The following BCAR3 variants were observed in gnomAD, a reference collection of about 807,000 sequenced individuals.
The protein encoded by BCAR3 is breast cancer anti-estrogen resistance protein 3.
In BCAR3, 37 loss-of-function variants were observed where a neutral mutation model predicts 80.1. The ratio of observed to expected loss-of-function variants is 0.46; its 90% CI spans 0.36 to 0.61. The LOEUF is 0.61. Ranked by LOEUF, BCAR3 falls within the 20% of genes least tolerant of loss-of-function variation. The pLI is 0.00. For missense variants in BCAR3, 978 were observed against 1,068.2 expected, an observed-to-expected ratio of 0.92 and a Z score of 1.18; for synonymous variants, 389 against 418.9, an observed-to-expected ratio of 0.93 and a Z score of 0.87.
At chr1:93,777,363 T>TTCTTCTTCTTCCTCC (rs969476361) in intron 2 of BCAR3, among the ~76,000 whole-genome samples, 1 of 129,802 alleles carries the variant, frequency 7.7e-6, no homozygotes, top group African/African-American at 2.8e-5. Flanking sequence ...CTTCCTCCTC[T>TTCTTCTTCTTCCTCC]TCTTCTTCTT....
intron 2 of BCAR3, among the ~76,000 whole-genome samples, chr1:93,819,365 G>A (rs1047379823): frequency 2.0e-5 from 3 of 152,074 alleles, no homozygotes; most frequent in Non-Finnish European, 2.9e-5. Flanking sequence ...CGCCCAGCCG[G>A]GTCGCCCATT....
At position 93,672,713 on chromosome 1, in the gene BCAR3, T is replaced by C. The variant is rs1350586722; in HGVS notation, c.317+1901A>G. ...TGAGCTGGGAGGTCACCCACCTAGA[T>C]TTTGTGGAGCCGGTCCAGGGCCTTC... On this transcript the variant is annotated intron_variant, in intron 2 of 11. Coordinates refer to ENST00000260502, the MANE Select transcript of BCAR3 (RefSeq NM_003567.4). Among the ~76,000 whole-genome samples, 9 of 152,304 alleles carry C rather than the reference T, an allele frequency of 5.9e-5. No individual in the cohort carries two copies. The South Asian group carries it at 1.7e-3, about 28-fold the overall frequency.
chr1:93,621,611 G>A (rs888696425), intron 3 of BCAR3, among the ~76,000 whole-genome samples: 2 of 152,180 alleles, frequency 1.3e-5, no homozygotes, highest in Non-Finnish European at 2.9e-5. Flanking sequence ...TAGCCTTGAG[G>A]CAAGTAGTAT....
At chr1:93,838,103 C>G (rs1003441147) in intron 2 of BCAR3, among the ~76,000 whole-genome samples, 5 of 152,218 alleles carry the variant, frequency 3.3e-5, no homozygotes, top group African/African-American at 9.7e-5. Context: ...TTCTTTCTCT[C>G]TTTATGCTCC....
chr1:93,847,950 C>T, upstream of BCAR3: 1 of 239,506 alleles, frequency 4.2e-6, no homozygotes, highest in Non-Finnish European at 8.1e-6. Context: ...GAAGCGAAGG[C>T]TCGCGGTTTC....
At chr1:93,697,894 C>T (rs2101969702) in intron 3 of BCAR3, among the ~76,000 whole-genome samples, 1 of 152,308 alleles carries the variant, frequency 6.6e-6, no homozygotes, top group Middle Eastern at 3.4e-3. Context: ...AGGAGAATCG[C>T]TTGAACCCAG....
intron 2 of BCAR3, among the ~76,000 whole-genome samples, chr1:93,748,365 T>A (rs1557674708): frequency 6.6e-6 from 1 of 152,160 alleles, no homozygotes; most frequent in Non-Finnish European, 1.5e-5. Context: ...AAGGGTTGCA[T>A]CCTAATTGCG....
intron 2 of BCAR3, among the ~76,000 whole-genome samples, chr1:93,777,799 C>T (rs559575298): frequency 2.0e-5 from 3 of 152,176 alleles, no homozygotes; most frequent in Non-Finnish European, 2.9e-5. Context: ...TTTGGTTACC[C>T]TGAGGTTCAA....
intron 2 of BCAR3, among the ~76,000 whole-genome samples, chr1:93,822,050 T>C (rs1276635018): frequency 6.6e-6 from 1 of 151,606 alleles, no homozygotes; most frequent in Non-Finnish European, 1.5e-5. Flanking sequence ...TTGAAGAGAG[T>C]GTTAGTATAG....
Position 93,798,958 on chromosome 1 carries a change from G to A in BCAR3, c.-63+46609C>T, listed in dbSNP as rs116104677. Among the ~76,000 whole-genome samples, 1,156 of 152,234 alleles carry A rather than the reference G, an allele frequency of 7.6e-3. 11 individuals are homozygous for A. Among genetic ancestry groups the A allele is most frequent in the African/African-American group, 0.027 (1,115 of 41,546 alleles). The stretch of plus-strand genomic sequence containing the variant: ...ATTAAGAGTATTACAGCAAGAGAGG[G>A]TAATGTGTGGAGCAGAGAGTAAAAG... On this transcript the variant is annotated intron_variant, in intron 2 of 13. Coordinates refer to the BCAR3 transcript ENST00000370244.
At chr1:93,570,241 C>A (rs1020941666) in intron 9 of BCAR3, among the ~76,000 whole-genome samples, 1 of 152,158 alleles carries the variant, frequency 6.6e-6, no homozygotes, top group African/African-American at 2.4e-5. Flanking sequence ...ATCTGACTTG[C>A]GGGACATGTG....
intron 2 of BCAR3, among the ~76,000 whole-genome samples, chr1:93,652,262 T>C (rs929891883): frequency 3.3e-5 from 5 of 152,062 alleles, no homozygotes; most frequent in Admixed American, 2.6e-4. Flanking sequence ...CTCACCCTTT[T>C]TAGAGAAGCA....
chr1:93,674,475 C>T (rs1648368070), intron 2 of BCAR3, 139 bp downstream of exon 2: 1 of 946,210 alleles, frequency 1.1e-6, no homozygotes, highest in African/African-American at 1.7e-5. Context: ...TGGTCTCAAA[C>T]TCCTAACCTC....
chr1:93,592,462 C>T lies in BCAR3; in HGVS notation c.358-69G>A. The stretch of plus-strand genomic sequence containing the variant: ...ACCAGGCCATGCCAGCTGGAGGTGA[C>T]CGCCTGCTTCACTAATCCAACCAGT... On this transcript the variant is annotated intron_variant, in intron 3 of 11. Transcript: ENST00000260502. The surrounding 1 kb of genome is among the most constrained non-coding windows in gnomAD (Gnocchi z 4.8). 1.3e-6 allele frequency: 2 copies of T among 1,508,258 alleles called. No homozygotes were observed. The highest frequency in any genetic ancestry group is 1.8e-6 in the Non-Finnish European group (2 of 1,136,324). 93.4% of individuals were successfully genotyped at this position (1,508,258 alleles called of 1,614,324 possible). A position where few individuals can be genotyped will look rare whatever the true frequency, so the allele number is the denominator to read the frequency against.
chr1:93,821,420 T>C (rs74101577), intron 2 of BCAR3, among the ~76,000 whole-genome samples: 21,724 of 152,148 alleles, frequency 0.14, 2,540 homozygotes, highest in African/African-American at 0.31. Context: ...TGGATGCAGA[T>C]GGAGTTCAGA....
At chr1:93,789,557 G>A (rs1397013186) in intron 2 of BCAR3, among the ~76,000 whole-genome samples, 1 of 152,228 alleles carries the variant, frequency 6.6e-6, no homozygotes, top group Non-Finnish European at 1.5e-5. Context: ...ACTAATCACT[G>A]TGGCTGTAAC....
intron 2 of BCAR3, among the ~76,000 whole-genome samples, chr1:93,726,175 C>T (rs1650575315): frequency 6.6e-6 from 1 of 152,116 alleles, no homozygotes; most frequent in African/African-American, 2.4e-5. Flanking sequence ...AGCGGTTCTC[C>T]CACCTCAGCC....
At chr1:93,669,573 C>T (rs1302406366) in intron 2 of BCAR3, among the ~76,000 whole-genome samples, 2 of 152,132 alleles carry the variant, frequency 1.3e-5, no homozygotes, top group Non-Finnish European at 2.9e-5. Flanking sequence ...CACAAGAGGC[C>T]GAAGGAATTA....
intron 3 of BCAR3, among the ~76,000 whole-genome samples, chr1:93,611,774 C>T (rs774771350): frequency 1.3e-5 from 2 of 152,196 alleles, no homozygotes; most frequent in African/African-American, 4.8e-5. Flanking sequence ...AGGAGGGACC[C>T]TCTATATTTT....
Sources: allele counts gnomAD v4.1 joint callset (sites outside exome capture counted in the v4.1 genomes callset), GRCh38; gene constraint gnomAD v4.1.1; non-coding constraint Gnocchi (gnomAD v3.1); transcripts MANE v1.5; gene names NCBI Gene and HGNC (gene_info 2026-07-23, HGNC 2026-07-21).